The following PPEF1 variants were observed in gnomAD, a reference collection of about 807,000 sequenced individuals.
PPEF1 encodes the protein serine/threonine-protein phosphatase with EF-hands 1.
A neutral mutation model predicts 53.3 loss-of-function variants in PPEF1; 12 were observed. That is an observed-to-expected ratio of 0.23 (90% CI 0.14 to 0.36). The LOEUF (loss-of-function observed/expected upper bound fraction) is 0.36, where lower values mean the gene tolerates loss of function less well. Ranked by LOEUF, PPEF1 falls within the 10% of genes least tolerant of loss-of-function variation. The probability of loss-of-function intolerance (pLI) is 1.00; values close to 1 mark genes in which losing one functional copy is unlikely to be tolerated. For synonymous variants in PPEF1, 165 were observed against 176.7 expected, an observed-to-expected ratio of 0.93 and a Z score of 0.52; for missense variants, 334 against 490.4, an observed-to-expected ratio of 0.68 and a Z score of 3.01.
chrX:18,705,543 A>AT (rs1205380129), upstream of PPEF1, among the ~76,000 whole-genome samples: 1 of 111,182 alleles, frequency 9.0e-6, no homozygotes, highest in Non-Finnish European at 1.9e-5. Flanking sequence ...GTGAGACCCC[A>AT]TGTCTACAAA....
chrX:18,681,015 G>A (rs1003496337), upstream of PPEF1, among the ~76,000 whole-genome samples: 4 of 111,183 alleles, frequency 3.6e-5, no homozygotes, highest in Non-Finnish European at 5.7e-5. Context: ...CCAGTCTATC[G>A]TTGTTGGACA....
chrX:18,804,659 G>T (rs1258728813), intron 11 of PPEF1, among the ~76,000 whole-genome samples: 2 of 112,161 alleles, frequency 1.8e-5, no homozygotes, highest in African/African-American at 6.5e-5. Flanking sequence ...AGAAAGGCTT[G>T]GTTCTTATAA....
intron 10 of PPEF1, among the ~76,000 whole-genome samples, 153 bp downstream of exon 10, chrX:18,789,426 G>C (rs764251085): frequency 8.9e-6 from 1 of 112,279 alleles, no homozygotes; most frequent in African/African-American, 3.2e-5. Context: ...GCTTTATTGA[G>C]ATATAATTCA....
At chrX:18,693,768 G>A (rs758908796) in intron 4 of PPEF1, among the ~76,000 whole-genome samples, 206 of 111,508 alleles carry the variant, frequency 1.8e-3, no homozygotes, top group Non-Finnish European at 3.3e-3. Context: ...CGTTTTCACC[G>A]TTTTGGTCAG....
chrX:18,821,804 A>AGAGAG (rs1569273883), intron 13 of PPEF1, among the ~76,000 whole-genome samples: 25 of 68,625 alleles, frequency 3.6e-4, no homozygotes, highest in Non-Finnish European at 4.7e-4. Context: ...AGAGAGAGAG[A>AGAGAG]AAACAAATAA....
chrX:18,797,673 TATG>T (rs1458903345), intron 10 of PPEF1, among the ~76,000 whole-genome samples: 69 of 110,826 alleles, frequency 6.2e-4, no homozygotes, highest in Middle Eastern at 4.7e-3. Context: ...GAGTAAATGA[TATG>T]ATATCTTAAG....
intron 1 of PPEF1, among the ~76,000 whole-genome samples, chrX:18,710,019 T>G (rs2044291017): frequency 8.9e-6 from 1 of 111,870 alleles, no homozygotes; most frequent in Non-Finnish European, 1.9e-5. Context: ...CGATAGTTGT[T>G]ATTGTCTGTC....
intron 4 of PPEF1, chrX:18,691,206 C>G (rs1391682081): frequency 1.8e-5 from 2 of 111,728 alleles, no homozygotes; most frequent in Non-Finnish European, 3.8e-5. Flanking sequence ...TTTAGCCCAA[C>G]TCTTGTGGTC....
At chrX:18,735,399 T>A (rs1383483830) in intron 3 of PPEF1, among the ~76,000 whole-genome samples, 1 of 112,037 alleles carries the variant, frequency 8.9e-6, no homozygotes, top group Non-Finnish European at 1.9e-5. Context: ...TTTCCCCATT[T>A]CTTGTGTTTG....
chrX:18,703,125 G>A (rs1048973854), upstream of PPEF1, among the ~76,000 whole-genome samples: 5 of 110,614 alleles, frequency 4.5e-5, no homozygotes, highest in East Asian at 5.6e-4. Context: ...AAAGGCTCAC[G>A]CACTGCTTAC....
chrX:18,767,312 C>T (rs1367357990), intron 6 of PPEF1, among the ~76,000 whole-genome samples: 3 of 110,934 alleles, frequency 2.7e-5, no homozygotes, highest in South Asian at 3.8e-4. Context: ...TTTGGGAGGC[C>T]GAGGCAGGTG....
At chrX:18,802,577 G>C (rs2046569523) in intron 10 of PPEF1, among the ~76,000 whole-genome samples, 1 of 111,788 alleles carries the variant, frequency 8.9e-6, no homozygotes, top group African/African-American at 3.2e-5. Context: ...AGATGCTTTA[G>C]GAGACACCCT....
At chrX:18,728,720 T>C (rs1484422604) in intron 1 of PPEF1, among the ~76,000 whole-genome samples, 1 of 111,595 alleles carries the variant, frequency 9.0e-6, no homozygotes, top group Non-Finnish European at 1.9e-5. Context: ...CCCAAGAGCC[T>C]TGGGGAAGCT....
chrX:18,695,089 A>G (rs1569241126), intron 4 of PPEF1, among the ~76,000 whole-genome samples: 2 of 112,003 alleles, frequency 1.8e-5, no homozygotes, highest in Admixed American at 9.5e-5. Flanking sequence ...GCTGCACACA[A>G]TGTGTTGACT....
At chrX:18,704,697 C>T (rs2044159893), upstream of PPEF1, among the ~76,000 whole-genome samples, 1 of 111,616 alleles carries the variant, frequency 9.0e-6, no homozygotes, top group Non-Finnish European at 1.9e-5. Flanking sequence ...TCTAAAATAC[C>T]GTCTCTATTA....
chrX:18,701,508 G>A (rs773970481), intron 6 of PPEF1, among the ~76,000 whole-genome samples: 1 of 112,410 alleles, frequency 8.9e-6, no homozygotes, highest in Non-Finnish European at 1.9e-5. Context: ...TTTCTTATGA[G>A]GAAACTGAGG....
At chrX:18,680,243 A>C (rs1928826424), upstream of PPEF1, among the ~76,000 whole-genome samples, 1 of 109,866 alleles carries the variant, frequency 9.1e-6, no homozygotes, top group Non-Finnish European at 1.9e-5. Context: ...CTCAGCCTCG[A>C]ATAGTTTTTC....
At chrX:18,736,338 AG>A (rs1370047131) in intron 3 of PPEF1, among the ~76,000 whole-genome samples, 1 of 111,982 alleles carries the variant, frequency 8.9e-6, no homozygotes, top group Admixed American at 9.6e-5. Flanking sequence ...TTTAGCATGA[AG>A]GGCTGTTGGA....
chrX:18,825,744 A>G lies in PPEF1; in HGVS notation c.1666-7A>G. 3 of 1,162,577 alleles carry G rather than the reference A, an allele frequency of 2.6e-6. No individual in the cohort carries two copies. Among genetic ancestry groups the G allele is most frequent in the Non-Finnish European group, 3.5e-6 (3 of 866,201 alleles). On this transcript the variant is annotated splice_polypyrimidine_tract_variant and splice_region_variant and intron_variant, in intron 14 of 15. Transcript: ENST00000470157. ...ATGTTCTAACACTTAGAAAATCTTT[A>G]TTTTAGGCTCATTCTACTCTAGTTG...
Sources: gnomAD v4.1 joint callset for allele counts (sites outside exome capture counted in the v4.1 genomes callset) on GRCh38, gnomAD v4.1.1 for gene constraint, MANE v1.5 for transcripts, NCBI Gene and HGNC (gene_info 2026-07-23, HGNC 2026-07-21) for gene names.